The following ZAN variants were observed in gnomAD, a reference collection of about 807,000 sequenced individuals.
ZAN encodes zonadhesin, also known as zonadhesin (gene/pseudogene).
In ZAN, 260 loss-of-function variants were observed where a neutral mutation model predicts 286.2. The ratio of observed to expected loss-of-function variants is 0.91; its 90% confidence interval spans 0.82 to 1.01. ZAN has a LOEUF of 1.01. Among genes scored for constraint, ZAN ranks in the 50% least tolerant of loss-of-function variants. ZAN has a pLI of 0.00. For synonymous variants in ZAN, 1,368 were observed against 1,417.5 expected (o/e 0.97, Z 0.79); for missense variants, 3,410 against 3,639.2 (o/e 0.94, Z 1.62).
In ZAN at chr7:100,752,640, C is replaced by T. The variant is rs766313561; in HGVS notation, c.2535C>T (p.Ile845=). The change falls in exon 14 of 48, where the codon ATC becomes ATT. Residue 845 remains isoleucine (I), a synonymous_variant. Transcript: ENST00000613979. The part of the protein sequence containing the change: ...ETTISTEKLT[I]PMEKPTISTE... ...CCATCTCTACAGAAAAACTCACCATCCCCATGGAAAAACCCACCATCTCCA... is the reference window on the plus strand; with the variant it reads ...CCATCTCTACAGAAAAACTCACCATTCCCATGGAAAAACCCACCATCTCCA... The T allele has an allele frequency of 1.9e-6, 3 of 1,612,252 alleles. No individual in the cohort carries two copies. Among genetic ancestry groups the T allele is most frequent in the Admixed American group, 3.3e-5 (2 of 59,838 alleles).
chr7:100,747,985 C>T (rs10251117), intron 9 of ZAN, among the ~76,000 whole-genome samples, 152 bp from the exon 10 acceptor site: 2 of 123,504 alleles, frequency 1.6e-5, no homozygotes, highest in Non-Finnish European at 3.5e-5. Context: ...GAGCAAGACT[C>T]TGAAAAAAAA....
At position 100,762,210 on chromosome 7, in the gene ZAN, C is replaced by T. The variant is rs761666784; in HGVS notation, c.3843-5C>T. ...TTAACGCCAGCTCCTCTCCTGTTCC[C>T]CTAGCACATACTCTGGCAAACTCTG... is the stretch of plus-strand genomic sequence containing the variant. On this transcript the variant is annotated splice_region_variant and splice_polypyrimidine_tract_variant and intron_variant, in intron 19 of 47. Transcript: ENST00000613979. 6.2e-7 allele frequency: 1 copy of T among 1,612,658 alleles called. No homozygotes were observed. The highest frequency in any genetic ancestry group is 2.2e-5 in the East Asian group (1 of 44,798).
At chr7:100,791,564 G>A (rs749775092) in intron 40 of ZAN, among the ~76,000 whole-genome samples, 1 of 151,818 alleles carries the variant, frequency 6.6e-6, no homozygotes, top group Non-Finnish European at 1.5e-5. Context: ...GGGCCACCAC[G>A]CTCAGCTAAT....
rs373091231 is a variant in ZAN, at chr7:100,746,593, C to G, written c.822C>G (p.Val274=). 6.2e-7 allele frequency: 1 copy of G among 1,614,006 alleles called. No homozygotes were observed. Among genetic ancestry groups the G allele is most frequent in the Non-Finnish European group, 8.5e-7 (1 of 1,179,890 alleles). Reference sequence around the variant, plus strand: ...ATGCAAGACCTGGGCAGAAAGCTGTCCTCCTGAGCCCCGTGAGCCTGTCCT... The same window carrying G: ...ATGCAAGACCTGGGCAGAAAGCTGTGCTCCTGAGCCCCGTGAGCCTGTCCT... ...PKNARPGQKA[V]LLSPVSLSSG... Residue 274 remains valine (V), a synonymous_variant, in exon 8 of 48, where the codon GTC becomes GTG. Coordinates refer to ENST00000613979, the MANE Select transcript of ZAN (RefSeq NM_003386.3).
chr7:100,768,809 C>G, intron 27 of ZAN, 88 bp downstream of exon 27: 2 of 1,080,958 alleles, frequency 1.9e-6, no homozygotes, highest in South Asian at 1.6e-5. Context: ...TCTGTGTGTC[C>G]CCACTCCCTC....
chr7:100,756,702 T>G (rs1372763545), intron 15 of ZAN, among the ~76,000 whole-genome samples: 1 of 152,030 alleles, frequency 6.6e-6, no homozygotes, highest in Non-Finnish European at 1.5e-5. Flanking sequence ...ACTTTTGTTT[T>G]TTTTTTTTTG....
At position 100,738,880 on chromosome 7, in the gene ZAN, TCTCCC is replaced by T. The variant is rs1807509201; in HGVS notation, c.766+268_766+272del. Reference sequence around the variant, plus strand: ...TTTCTCTTCCTCTTCTTCTTCTCCCTCTCCCTCTCCCTCTCCCTCTCCCTCTCCCT... The same window carrying T: ...TTTCTCTTCCTCTTCTTCTTCTCCCTTCTCCCTCTCCCTCTCCCTCTCCCT... On this transcript the variant is annotated intron_variant, in intron 7 of 47. Transcript: ENST00000613979. 6.1e-4 allele frequency among the ~76,000 whole-genome samples: 5 copies of T among 8,218 alleles called. 1 individual carries two copies. Among genetic ancestry groups the T allele is most frequent in the Admixed American group, 2.1e-3 (1 of 486 alleles). 5.4% of individuals were successfully genotyped at this position (8,218 alleles called of 152,430 possible). A position where few individuals can be genotyped will look rare whatever the true frequency, so the allele number is the denominator to read the frequency against.
At chr7:100,738,337 G>T in intron 6 of ZAN, 124 bp from the exon 7 acceptor site, 1 of 937,904 alleles carries the variant, frequency 1.1e-6, no homozygotes, top group Admixed American at 2.3e-5. Flanking sequence ...AGGACCGCTT[G>T]AGTCCAGGAG....
chr7:100,787,842 G>A lies in ZAN; in HGVS notation c.6980-47G>A, dbSNP rs540379267. ...CTCCCAAAGTCCTGGGATTACAGGC[G>A]TGAGCCACTGCGCCCGGCCCCTTCT... is the stretch of plus-strand genomic sequence containing the variant. On this transcript the variant is annotated intron_variant, in intron 37 of 47. Coordinates refer to ENST00000613979, the MANE Select transcript of ZAN (RefSeq NM_003386.3). The A allele has an allele frequency of 5.3e-5, 76 of 1,444,384 alleles. No homozygotes were observed. The Admixed American group carries it at 9.1e-4, about 17-fold the overall frequency. 89.5% of individuals were successfully genotyped at this position (1,444,384 alleles called of 1,614,324 possible).
chr7:100,760,911 T>C (rs902456634), intron 19 of ZAN, among the ~76,000 whole-genome samples: 2 of 152,132 alleles, frequency 1.3e-5, no homozygotes, highest in East Asian at 3.8e-4. Context: ...CTTCTTTTTT[T>C]TGAGACAGGA....
chr7:100,765,231 T>A, intron 22 of ZAN, 121 bp from the exon 23 acceptor site: 1 of 1,144,854 alleles, frequency 8.7e-7, no homozygotes, highest in Non-Finnish European at 1.2e-6. Context: ...ACAGTCACTC[T>A]CTCTTCTCGA....
intron 34 of ZAN, among the ~76,000 whole-genome samples, chr7:100,777,345 T>C (rs1012468402): frequency 1.1e-4 from 17 of 151,246 alleles, no homozygotes; most frequent in African/African-American, 3.9e-4. Context: ...CTGGACCCTC[T>C]AGCTTTTCTT....
intron 23 of ZAN, 89 bp from the exon 24 acceptor site, chr7:100,766,436 G>T (rs1426922893): frequency 1.4e-6 from 2 of 1,458,528 alleles, no homozygotes; most frequent in Non-Finnish European, 1.8e-6. Flanking sequence ...GATCTGAACA[G>T]CTCTGGTGAG....
intron 34 of ZAN, among the ~76,000 whole-genome samples, chr7:100,777,839 G>A (rs866697979): frequency 1.3e-5 from 2 of 151,062 alleles, no homozygotes; most frequent in East Asian, 2.0e-4. Flanking sequence ...TGATCCTCCC[G>A]CCTCGGCCCC....
intron 2 of ZAN, 150 bp from the exon 3 acceptor site, chr7:100,735,570 A>G: frequency 1.7e-6 from 1 of 580,458 alleles, no homozygotes; most frequent in East Asian, 3.3e-5. Flanking sequence ...AAAAGAAAAG[A>G]AAAAAAGAAA....
At chr7:100,773,661 C>T (rs1005037420) in intron 30 of ZAN, 60 bp from the exon 31 acceptor site, 61 of 1,571,278 alleles carry the variant, frequency 3.9e-5, no homozygotes, top group Middle Eastern at 1.7e-4. Context: ...TCAACTGGGG[C>T]GTTGGCCCAT....
At chr7:100,762,589 C>A (rs892738517) in intron 20 of ZAN, among the ~76,000 whole-genome samples, 7 of 151,790 alleles carry the variant, frequency 4.6e-5, no homozygotes, top group Non-Finnish European at 1.0e-4. Flanking sequence ...CCACACACAG[C>A]TAATTTTAGT....
In ZAN at chr7:100,748,306, C is replaced by T; in HGVS notation, c.1103-18C>T. 6.2e-7 allele frequency: 1 copy of T among 1,613,884 alleles called. No homozygotes were observed. Among genetic ancestry groups the T allele is most frequent in the Non-Finnish European group, 8.5e-7 (1 of 1,179,878 alleles). On this transcript the variant is annotated intron_variant, in intron 10 of 47. Coordinates refer to ENST00000613979, the MANE Select transcript of ZAN (RefSeq NM_003386.3). The stretch of plus-strand genomic sequence containing the variant: ...AGCGTCACTCAACTTGCTCAAATAT[C>T]CTATTTTGATCCCCCAGAGGGTTTT...
intron 9 of ZAN, 104 bp from the exon 10 acceptor site, chr7:100,748,033 A>G: frequency 1.2e-6 from 1 of 864,974 alleles, no homozygotes. Context: ...GGGTCTGGGC[A>G]CAGGGAGTAG....
Sources: gnomAD v4.1 joint callset for allele counts (sites outside exome capture counted in the v4.1 genomes callset) on GRCh38, gnomAD v4.1.1 for gene constraint, MANE v1.5 for transcripts, NCBI Gene and HGNC (gene_info 2026-07-23, HGNC 2026-07-21) for gene names.